Variants in SCARA3 observed in about 807,000 individuals in gnomAD.
SCARA3 encodes cellular stress response gene protein.
Under a neutral mutation model 47.0 loss-of-function variants are expected in SCARA3, and 39 were observed. The observed-to-expected ratio is 0.83, with a 90% CI of 0.64 to 1.08. SCARA3 has a LOEUF of 1.08. SCARA3 is among the 50% of genes least tolerant of loss of function. The pLI, the probability that SCARA3 is intolerant of heterozygous loss-of-function variation, is 0.00. For synonymous variants in SCARA3, 356 were observed against 334.1 expected, an observed-to-expected ratio of 1.07 and a Z score of -0.71; for missense variants, 724 against 792.3, an observed-to-expected ratio of 0.91 and a Z score of 1.04.
At chr8:27,688,928 G>A in the SCARA3 span, among the ~76,000 whole-genome samples, 144 of 152,218 alleles carry the variant, frequency 9.5e-4, no homozygotes, top group African/African-American at 3.3e-3. Context: ...ACATACATGC[G>A]TATGTTTTTG....
the SCARA3 span, chr8:27,701,106 A>G: frequency 6.6e-6 from 1 of 152,212 alleles, no homozygotes; most frequent in Non-Finnish European, 1.5e-5. Context: ...AAACAAAAAA[A>G]CTAGTGATAT....
chr8:27,717,548 G>A, the SCARA3 span, among the ~76,000 whole-genome samples: 3 of 152,164 alleles, frequency 2.0e-5, no homozygotes, highest in Non-Finnish European at 2.9e-5. Flanking sequence ...ACTTTGGGAG[G>A]CTGCAGCGGG....
At position 27,659,307 on chromosome 8, in the gene SCARA3, T is replaced by C. The variant is rs1480228858; in HGVS notation, c.1137T>C (p.Asp379=). 6.2e-7 allele frequency: 1 copy of C among 1,613,982 alleles called. No individual in the cohort carries two copies. The highest frequency in any genetic ancestry group is 2.2e-5 in the East Asian group (1 of 44,860). Residue 379 remains aspartate (D), a synonymous_variant, in exon 5 of 6, where the codon GAT becomes GAC. Coordinates refer to ENST00000301904, the MANE Select transcript of SCARA3 (RefSeq NM_016240.3). ...TGCACAGCATGCTCAAGTACCTGGA[T>C]GACGTGCGGCTCTCCTGCACGCTGG... The part of the protein sequence containing the change: ...NHVHSMLKYL[D]DVRLSCTLGF...
At chr8:27,641,229 G>C (rs1240958415) in intron 1 of SCARA3, among the ~76,000 whole-genome samples, 2 of 152,220 alleles carry the variant, frequency 1.3e-5, no homozygotes, top group African/African-American at 4.8e-5. Flanking sequence ...CGCCCTTGCA[G>C]TATTGACAGA....
At chr8:27,686,516 T>C in the SCARA3 span, among the ~76,000 whole-genome samples, 1 of 151,976 alleles carries the variant, frequency 6.6e-6, no homozygotes, top group Non-Finnish European at 1.5e-5. Flanking sequence ...TACAAAGAAG[T>C]ATTTTAGTAA....
At chr8:27,642,254 G>C (rs28567644) in intron 1 of SCARA3, among the ~76,000 whole-genome samples, 2,055 of 152,248 alleles carry the variant, frequency 0.013, 34 homozygotes, top group African/African-American at 0.047. Flanking sequence ...GAGTGATGGG[G>C]GTTGGGAGAT....
Position 27,672,623 on chromosome 8 carries a change from A to G in SCARA3, c.*1272A>G, listed in dbSNP as rs1462417119. 1.4e-5 allele frequency: 14 copies of G among 985,418 alleles called. No individual in the cohort carries two copies. Among genetic ancestry groups the G allele is most frequent in the Middle Eastern group, 5.2e-4 (1 of 1,938 alleles). The allele number at this position is 985,418 out of a possible 1,614,324, so 61.0% of individuals were successfully genotyped here. Reference sequence around the variant, plus strand: ...GGCAGCCAGCTGGACTAGGAGTGGGAAGGGCCTGGACACTCACAGAGGCCC... The same window carrying G: ...GGCAGCCAGCTGGACTAGGAGTGGGGAGGGCCTGGACACTCACAGAGGCCC... On this transcript the variant is annotated 3_prime_UTR_variant, in exon 6 of 6. Coordinates refer to ENST00000301904, the MANE Select transcript of SCARA3 (RefSeq NM_016240.3).
intron 4 of SCARA3, 132 bp from the exon 5 acceptor site, chr8:27,658,364 C>G: frequency 1.3e-6 from 1 of 776,298 alleles, no homozygotes. Context: ...GAATTCATAA[C>G]AGGACTTCTG....
At chr8:27,677,568 C>A (rs1385196699), downstream of SCARA3, among the ~76,000 whole-genome samples, 2 of 152,170 alleles carry the variant, frequency 1.3e-5, no homozygotes, top group African/African-American at 4.8e-5. Context: ...CACTGTAGTT[C>A]TAGAGTAGCA....
chr8:27,667,212 G>T (rs539589611), intron 5 of SCARA3, among the ~76,000 whole-genome samples: 90 of 152,310 alleles, frequency 5.9e-4, no homozygotes, highest in African/African-American at 2.1e-3. Flanking sequence ...AACTACAGTT[G>T]TTGACTTCCT....
the SCARA3 span, among the ~76,000 whole-genome samples, chr8:27,724,231 G>T: frequency 1.3e-5 from 2 of 151,988 alleles, no homozygotes; most frequent in Non-Finnish European, 2.9e-5. Context: ...TTTATTTTTG[G>T]CAGGGTTGCT....
chr8:27,683,815 A>AGAG, the SCARA3 span, among the ~76,000 whole-genome samples: 1 of 152,164 alleles, frequency 6.6e-6, no homozygotes, highest in African/African-American at 2.4e-5. Context: ...CTATGAAGAA[A>AGAG]GAGGAGGAGG....
chr8:27,642,778 C>T (rs928858349), intron 1 of SCARA3, among the ~76,000 whole-genome samples: 1 of 152,084 alleles, frequency 6.6e-6, no homozygotes. Flanking sequence ...GAGCCATGAT[C>T]GCACCACAGC....
chr8:27,679,517 C>A (rs1310283340), downstream of SCARA3, among the ~76,000 whole-genome samples: 1 of 152,080 alleles, frequency 6.6e-6, no homozygotes, highest in Admixed American at 6.6e-5. Flanking sequence ...CCTGTATCAA[C>A]AACAGCAACA....
chr8:27,662,308 T>C (rs958952668), intron 5 of SCARA3, among the ~76,000 whole-genome samples: 2 of 152,242 alleles, frequency 1.3e-5, no homozygotes. Flanking sequence ...GAACCACTCC[T>C]AAGCCCCGCA....
chr8:27,687,872 TG>T, the SCARA3 span, among the ~76,000 whole-genome samples: 1 of 152,064 alleles, frequency 6.6e-6, no homozygotes, highest in Admixed American at 6.5e-5. Flanking sequence ...AAAAATTAGC[TG>T]GGTGTGGTGG....
At position 27,637,836 on chromosome 8, in the gene SCARA3, T is replaced by G. The variant is rs556956131; in HGVS notation, c.7+3629T>G. ...AGGAATCCGCCCTGCACCGCTCCTC[T>G]GGCCGAGAGGAGAGGATCTCCACTC... On this transcript the variant is annotated intron_variant, in intron 1 of 5. Coordinates refer to ENST00000301904, the MANE Select transcript of SCARA3 (RefSeq NM_016240.3). Among the ~76,000 whole-genome samples, 350 of 152,108 alleles carry G rather than the reference T, an allele frequency of 2.3e-3. 2 individuals are homozygous for G. The highest frequency in any genetic ancestry group is 8.2e-3 in the African/African-American group (341 of 41,506).
At chr8:27,717,048 A>C in the SCARA3 span, among the ~76,000 whole-genome samples, 1 of 152,232 alleles carries the variant, frequency 6.6e-6, no homozygotes, top group Non-Finnish European at 1.5e-5. Flanking sequence ...AATCCTAAAA[A>C]AAAATGCCAA....
At chr8:27,698,211 G>C in the SCARA3 span, among the ~76,000 whole-genome samples, 1 of 152,198 alleles carries the variant, frequency 6.6e-6, no homozygotes, top group South Asian at 2.1e-4. Flanking sequence ...ACTTGGATCT[G>C]CAAGAAGGAG....
Sources: allele counts gnomAD v4.1 joint callset (sites outside exome capture counted in the v4.1 genomes callset), GRCh38; gene constraint gnomAD v4.1.1; transcripts MANE v1.5; gene names NCBI Gene and HGNC (gene_info 2026-07-23, HGNC 2026-07-21).